CDC42BPB: variants seen among roughly 807,000 people sequenced by gnomAD.
CDC42BPB encodes the protein CDC42 binding protein kinase beta.
Under a neutral mutation model 214.9 loss-of-function variants are expected in CDC42BPB, and 37 were observed. The observed-to-expected ratio is 0.17, with a 90% confidence interval of 0.13 to 0.23. The LOEUF is 0.23. Ranked by LOEUF, CDC42BPB falls within the 10% of genes least tolerant of loss-of-function variation. The pLI is 1.00. For missense variants in CDC42BPB, 1,694 were observed against 2,227.0 expected (o/e 0.76, Z 4.82); for synonymous variants, 931 against 884.0 (o/e 1.05, Z -0.94).
intron 28 of CDC42BPB, 55 bp downstream of exon 28, chr14:102,946,413 C>G (rs769022891): frequency 2.4e-5 from 38 of 1,589,088 alleles, no homozygotes; most frequent in Non-Finnish European, 3.2e-5. Context: ...CACTGCAGCG[C>G]CGCCGGAAGT....
intron 5 of CDC42BPB, among the ~76,000 whole-genome samples, chr14:102,991,000 A>C (rs1371624997): frequency 6.6e-6 from 1 of 152,244 alleles, no homozygotes; most frequent in Non-Finnish European, 1.5e-5. Flanking sequence ...TTTGTGAGTC[A>C]ATCTGCAACC....
In CDC42BPB at chr14:102,967,158, C is replaced by A; in HGVS notation, c.2359G>T (p.Val787Leu). The change falls in exon 17 of 37, where the codon GTG (valine) becomes TTG (leucine). Residue 787 changes from valine (V) to leucine (L), a missense_variant. Physicochemically the swap from Val to Leu is conservative, Grantham distance 32. Transcript: ENST00000361246. ...TAENEKLCSF[V>L]DKLTAQNRQL... ...CTATTTTGAGCTGTGAGTTTATCCA[C>A]AAAGGAACAGAGCTGAAATGAAACA... is the stretch of plus-strand genomic sequence containing the variant. The A allele has an allele frequency of 6.2e-7, 1 of 1,613,886 alleles. No homozygotes were observed. The highest frequency in any genetic ancestry group is 8.5e-7 in the Non-Finnish European group (1 of 1,179,778).
At chr14:103,014,399 G>C (rs193194689) in intron 1 of CDC42BPB, among the ~76,000 whole-genome samples, 33 of 151,594 alleles carry the variant, frequency 2.2e-4, no homozygotes, top group African/African-American at 8.0e-4. Context: ...GTTTTTTTTT[G>C]TTCTATCTGG....
chr14:103,005,376 T>G (rs914938875), intron 3 of CDC42BPB, among the ~76,000 whole-genome samples: 2 of 152,208 alleles, frequency 1.3e-5, no homozygotes, highest in Non-Finnish European at 2.9e-5. Flanking sequence ...CTCTGAAACT[T>G]ATTTCTTCTA....
chr14:103,046,467 G>C (rs1888289511), intron 1 of CDC42BPB, among the ~76,000 whole-genome samples: 1 of 152,110 alleles, frequency 6.6e-6, no homozygotes, highest in African/African-American at 2.4e-5. Context: ...CTAACAAAGA[G>C]AATGACCAAA....
chr14:102,996,535 G>A (rs985934007), intron 5 of CDC42BPB, among the ~76,000 whole-genome samples: 5 of 151,954 alleles, frequency 3.3e-5, no homozygotes, highest in South Asian at 2.1e-4. Context: ...CTTATGGGCC[G>A]GGGGAGGTGG....
At chr14:102,958,792 G>C (rs1269404662) in intron 21 of CDC42BPB, among the ~76,000 whole-genome samples, 1 of 152,028 alleles carries the variant, frequency 6.6e-6, no homozygotes, top group Non-Finnish European at 1.5e-5. Context: ...GAACTCTACA[G>C]CTACACAGAT....
chr14:103,051,154 C>CGGGGGGGGGGGGGGGGGG (rs1179516926), intron 1 of CDC42BPB, among the ~76,000 whole-genome samples: 4 of 6,830 alleles, frequency 5.9e-4, no homozygotes, highest in Admixed American at 1.8e-3. Flanking sequence ...GTATTTGGGG[C>CGGGGGGGGGGGGGGGGGG]GGGGGGGCGG....
In CDC42BPB at chr14:103,057,121, G is replaced by A; in HGVS notation, c.53C>T (p.Pro18Leu). 3.3e-6 allele frequency: 5 copies of A among 1,518,422 alleles called. No homozygotes were observed. Among genetic ancestry groups the A allele is most frequent in the Non-Finnish European group, 4.4e-6 (5 of 1,138,854 alleles). 94.1% of individuals were successfully genotyped at this position (1,518,422 alleles called of 1,614,324 possible). Reference sequence around the variant, plus strand: ...GCTCAGGGCGCTCTCGTTGCGCCAGGGCCCGTCCAGGAGCAGCTGCTCCAG... The same window carrying A: ...GCTCAGGGCGCTCTCGTTGCGCCAGAGCCCGTCCAGGAGCAGCTGCTCCAG... Reference protein sequence around the residue: ...KKLEQLLLDGPWRNESALSVE... With the variant: ...KKLEQLLLDGLWRNESALSVE... Residue 18 changes from proline (P) to leucine (L), a missense_variant, in exon 1 of 37, where the codon CCC becomes CTC. Transcript: ENST00000361246.
Position 102,954,669 on chromosome 14 carries a change from T to G in CDC42BPB, c.2921A>C (p.Gln974Pro), listed in dbSNP as rs539199355. Residue 974 changes from glutamine to proline, a missense_variant, in exon 22 of 37, where the codon CAA becomes CCA. Transcript: ENST00000361246. ...LTFRTSSASE[Q>P]ETQAPKPEAS... ...TTCTGGCTTCGGAGCTTGTGTTTCT[T>G]GCTCACTAGCTGAGCTGGTCTGTGA... The G allele has an allele frequency of 9.9e-6, 16 of 1,613,730 alleles. No individual in the cohort carries two copies. Among genetic ancestry groups the G allele is most frequent in the Non-Finnish European group, 1.4e-5 (16 of 1,179,856 alleles).
chr14:103,021,617 T>A (rs1886777603), intron 1 of CDC42BPB, among the ~76,000 whole-genome samples: 1 of 150,770 alleles, frequency 6.6e-6, no homozygotes, highest in South Asian at 2.1e-4. Flanking sequence ...GAGGCAGAGG[T>A]TGCAGTGACC....
At chr14:102,994,725 T>C (rs1030724349) in intron 5 of CDC42BPB, among the ~76,000 whole-genome samples, 1 of 152,238 alleles carries the variant, frequency 6.6e-6, no homozygotes, top group Non-Finnish European at 1.5e-5. Context: ...CCATGGTGAA[T>C]TGCAGGCTTT....
At chr14:102,984,006 A>G (rs1254119416) in intron 6 of CDC42BPB, 1 of 372,854 alleles carries the variant, frequency 2.7e-6, no homozygotes, top group Non-Finnish European at 3.7e-6. Flanking sequence ...CACGGGCAAC[A>G]TGGTCCCCAA....
At chr14:102,945,351 G>A in intron 29 of CDC42BPB, 2 of 500,198 alleles carry the variant, frequency 4.0e-6, no homozygotes, top group South Asian at 1.6e-5. Flanking sequence ...TGGAAGCAAA[G>A]AAACTAAAGC....
chr14:103,053,528 A>G (rs558819315), intron 1 of CDC42BPB, among the ~76,000 whole-genome samples: 3,232 of 151,656 alleles, frequency 0.021, 67 homozygotes, highest in Admixed American at 0.048. Flanking sequence ...TTGGGAGGCC[A>G]AGGGGGGCAG....
At chr14:102,961,673 A>G (rs1158608967) in intron 20 of CDC42BPB, among the ~76,000 whole-genome samples, 4 of 152,038 alleles carry the variant, frequency 2.6e-5, no homozygotes, top group Non-Finnish European at 5.9e-5. Context: ...CCTCCTGAGT[A>G]GCTGGGATTA....
intron 1 of CDC42BPB, among the ~76,000 whole-genome samples, chr14:103,014,948 T>A (rs909064200): frequency 1.3e-5 from 2 of 152,226 alleles, no homozygotes; most frequent in African/African-American, 4.8e-5. Flanking sequence ...ACGTCCTCTC[T>A]TTTCTTTCCA....
At chr14:102,983,078 T>C (rs953110353) in intron 7 of CDC42BPB, among the ~76,000 whole-genome samples, 2 of 152,022 alleles carry the variant, frequency 1.3e-5, no homozygotes, top group African/African-American at 2.4e-5. Flanking sequence ...TGGAGACACA[T>C]GATCATTTAC....
At chr14:103,044,800 C>G (rs982164606) in intron 1 of CDC42BPB, among the ~76,000 whole-genome samples, 2 of 151,762 alleles carry the variant, frequency 1.3e-5, no homozygotes, top group African/African-American at 4.8e-5. Context: ...CGTGAGCCAC[C>G]GTGCCCGGCC....
Sources: gnomAD v4.1 joint callset for allele counts (sites outside exome capture counted in the v4.1 genomes callset) on GRCh38, gnomAD v4.1.1 for gene constraint, MANE v1.5 for transcripts, NCBI Gene and HGNC (gene_info 2026-07-23, HGNC 2026-07-21) for gene names.